HHAT: variants seen among roughly 807,000 people sequenced by gnomAD.
HHAT encodes the protein protein-cysteine N-palmitoyltransferase HHAT.
A neutral mutation model predicts 70.8 loss-of-function variants in HHAT; 47 were observed. The observed-to-expected ratio is 0.66, with a 90% CI of 0.53 to 0.85. The LOEUF (loss-of-function observed/expected upper bound fraction) is 0.85. Among genes scored for constraint, HHAT ranks in the 40% least tolerant of loss-of-function variants. The pLI is 0.00. For synonymous variants in HHAT, 228 were observed against 247.6 expected (o/e 0.92, Z 0.74); for missense variants, 609 against 604.8 (o/e 1.01, Z -0.07).
intron 1 of HHAT, among the ~76,000 whole-genome samples, chr1:210,340,242 GAAAAA>G (rs57007952): frequency 3.0e-4 from 30 of 99,776 alleles, no homozygotes; most frequent in African/African-American, 6.8e-4. Context: ...CTCTGTCTCA[GAAAAA>G]AAAAAAAAAA....
chr1:210,402,787 T>C lies in HHAT; in HGVS notation c.469-1677T>C, dbSNP rs2092141240. ...GGACTGGAACTCCTGTGGTATCTTT[T>C]TATTCATTCATTCAGTCACTCATTC... On this transcript the variant is annotated intron_variant, in intron 5 of 11. Coordinates refer to ENST00000261458, the MANE Select transcript of HHAT (RefSeq NM_018194.6). 2.0e-5 allele frequency among the ~76,000 whole-genome samples: 3 copies of C among 152,204 alleles called. No homozygotes were observed. In the South Asian group the frequency reaches 6.2e-4, roughly 32 times the overall value.
At chr1:210,510,307 G>T (rs745600569) in intron 8 of HHAT, among the ~76,000 whole-genome samples, 3 of 152,156 alleles carry the variant, frequency 2.0e-5, no homozygotes, top group Non-Finnish European at 2.9e-5. Context: ...ACCCCCGGAG[G>T]CCATGGCTAG....
intron 3 of HHAT, among the ~76,000 whole-genome samples, chr1:210,385,349 G>A (rs2090969297): frequency 6.7e-6 from 1 of 149,668 alleles, no homozygotes; most frequent in Admixed American, 6.7e-5. Flanking sequence ...TATTTTACTA[G>A]CATGGCCTCA....
At chr1:210,523,954 C>T (rs10779534) in intron 9 of HHAT, among the ~76,000 whole-genome samples, 3 of 152,036 alleles carry the variant, frequency 2.0e-5, no homozygotes, top group Admixed American at 2.0e-4. Context: ...TGATGACATG[C>T]GTGAGCATGG....
intron 9 of HHAT, among the ~76,000 whole-genome samples, chr1:210,561,654 C>G (rs2095623652): frequency 6.6e-6 from 1 of 152,096 alleles, no homozygotes; most frequent in Admixed American, 6.6e-5. Flanking sequence ...TATTTTATTT[C>G]TAATTGACAA....
chr1:210,543,365 T>A (rs2095450283), intron 9 of HHAT, among the ~76,000 whole-genome samples: 1 of 151,904 alleles, frequency 6.6e-6, no homozygotes, highest in Admixed American at 6.6e-5. Context: ...TTTTTTTCCT[T>A]CTTTTTCTGT....
At chr1:210,564,010 G>A (rs2095647014) in intron 9 of HHAT, among the ~76,000 whole-genome samples, 1 of 152,162 alleles carries the variant, frequency 6.6e-6, no homozygotes, top group East Asian at 1.9e-4. Flanking sequence ...CTGGAGTGCA[G>A]TGGTGCAATC....
At chr1:210,673,042 G>T (rs1340113764) in intron 11 of HHAT, among the ~76,000 whole-genome samples, 3 of 152,124 alleles carry the variant, frequency 2.0e-5, no homozygotes, top group African/African-American at 7.2e-5. Flanking sequence ...TTCCTAGCTA[G>T]CCATATTCAA....
chr1:210,536,849 C>T lies in HHAT; in HGVS notation c.1043+23661C>T, dbSNP rs144220077. Among the ~76,000 whole-genome samples the T allele has an allele frequency of 4.0e-3, 603 of 150,572 alleles. 2 individuals are homozygous for T. The highest frequency in any genetic ancestry group is 0.012 in the African/African-American group (512 of 41,394). On this transcript the variant is annotated intron_variant, in intron 9 of 11. Transcript: ENST00000261458. ...TCCTGTGTACTTAGATGTTTAACAG[C>T]GTCTCGGGCCTCTGTCTGCTAAATG...
In HHAT at chr1:210,674,809, A is replaced by C. The variant is rs1287736775; in HGVS notation, c.*430A>C. 1 of 156,332 alleles carries C rather than the reference A, an allele frequency of 6.4e-6. No homozygotes were observed. Among genetic ancestry groups the C allele is most frequent in the Non-Finnish European group, 1.4e-5 (1 of 70,802 alleles). The allele number at this position is 156,332 out of a possible 1,614,324, so 9.7% of individuals were successfully genotyped here. A position where few individuals can be genotyped will look rare whatever the true frequency, so the allele number is the denominator to read the frequency against. On this transcript the variant is annotated 3_prime_UTR_variant, in exon 12 of 12. Coordinates refer to ENST00000261458, the MANE Select transcript of HHAT (RefSeq NM_018194.6). ...AATATTTCTAAAATATTTGAGTGACATTGATGTTTAAGTGACCTCCTTCAT... is the reference window on the plus strand; with the variant it reads ...AATATTTCTAAAATATTTGAGTGACCTTGATGTTTAAGTGACCTCCTTCAT...
At chr1:210,515,691 G>A (rs1413687180) in intron 9 of HHAT, among the ~76,000 whole-genome samples, 1 of 149,676 alleles carries the variant, frequency 6.7e-6, no homozygotes, top group African/African-American at 2.5e-5. Flanking sequence ...CTGGGAGGCA[G>A]AGCTTGCAGT....
At chr1:210,527,426 T>G (rs534939040) in intron 9 of HHAT, among the ~76,000 whole-genome samples, 1 of 152,296 alleles carries the variant, frequency 6.6e-6, no homozygotes, top group African/African-American at 2.4e-5. Flanking sequence ...AATACCTATT[T>G]CACAGGAGGT....
intron 7 of HHAT, among the ~76,000 whole-genome samples, chr1:210,454,480 G>A (rs2093821013): frequency 1.3e-5 from 2 of 152,136 alleles, no homozygotes; most frequent in African/African-American, 4.8e-5. Context: ...CATGAACCTG[G>A]GAGGTGGAGC....
chr1:210,356,271 C>A (rs1446329577), intron 2 of HHAT, among the ~76,000 whole-genome samples: 1 of 152,114 alleles, frequency 6.6e-6, no homozygotes, highest in Non-Finnish European at 1.5e-5. Context: ...TTTTGCAGAG[C>A]CCAGGCACAT....
At chr1:210,583,737 T>A (rs1475999236) in intron 9 of HHAT, among the ~76,000 whole-genome samples, 1 of 152,056 alleles carries the variant, frequency 6.6e-6, no homozygotes, top group Non-Finnish European at 1.5e-5. Flanking sequence ...TTTCAGAGAT[T>A]TTTGTTGGCT....
At chr1:210,430,540 C>G (rs918599542) in intron 7 of HHAT, among the ~76,000 whole-genome samples, 2 of 151,842 alleles carry the variant, frequency 1.3e-5, no homozygotes, top group East Asian at 1.9e-4. Flanking sequence ...TGTGCCTTTT[C>G]TCTACATTAA....
chr1:210,533,681 C>G (rs1024471270), intron 9 of HHAT, among the ~76,000 whole-genome samples: 1 of 152,144 alleles, frequency 6.6e-6, no homozygotes, highest in Non-Finnish European at 1.5e-5. Context: ...GGGAAAAAAT[C>G]AAGCTATGTC....
chr1:210,543,356 T>C (rs1447495164), intron 9 of HHAT, among the ~76,000 whole-genome samples: 3 of 152,116 alleles, frequency 2.0e-5, no homozygotes, highest in Non-Finnish European at 4.4e-5. Context: ...TTTTCTTTTT[T>C]TTTTTCCTTC....
rs116975908 is a variant in HHAT, at chr1:210,414,047, G to A, written c.685-4107G>A. On this transcript the variant is annotated intron_variant, in intron 6 of 11. Transcript: ENST00000261458. ...TGCTGTAACAAAATACTATAAACTGGTTGGCTTATAAGCCACATAAATGTA... is the reference window on the plus strand; with the variant it reads ...TGCTGTAACAAAATACTATAAACTGATTGGCTTATAAGCCACATAAATGTA... 2.6e-4 allele frequency among the ~76,000 whole-genome samples: 39 copies of A among 152,238 alleles called. 1 individual carries two copies. The East Asian group carries it at 6.8e-3, about 26-fold the overall frequency.
Sources: allele counts gnomAD v4.1 joint callset (sites outside exome capture counted in the v4.1 genomes callset), GRCh38; gene constraint gnomAD v4.1.1; transcripts MANE v1.5; gene names NCBI Gene and HGNC (gene_info 2026-07-23, HGNC 2026-07-21).